The following SLC9A6 variants were observed in gnomAD, a reference collection of about 807,000 sequenced individuals.
SLC9A6 encodes solute carrier family 9 member A6.
Under a neutral mutation model 45.3 loss-of-function variants are expected in SLC9A6, and 6 were observed. That is an observed-to-expected ratio of 0.13 (90% CI 0.07 to 0.26). The LOEUF (loss-of-function observed/expected upper bound fraction) is 0.26. Ranked by LOEUF, SLC9A6 falls within the 10% of genes least tolerant of loss-of-function variation. The probability of loss-of-function intolerance (pLI) is 1.00; values close to 1 mark genes in which losing one functional copy is unlikely to be tolerated. For synonymous variants in SLC9A6, 191 were observed against 187.7 expected, an observed-to-expected ratio of 1.02 and a Z score of -0.14; for missense variants, 278 against 503.7, an observed-to-expected ratio of 0.55 and a Z score of 4.29.
intron 6 of SLC9A6, 82 bp downstream of exon 6, chrX:135,999,050 G>A: frequency 1.6e-6 from 1 of 639,533 alleles, no homozygotes; most frequent in African/African-American, 2.1e-5. Context: ...CTTTCTTTGA[G>A]GTGTAGAATT....
chrX:135,984,255 G>T (rs1468254895), upstream of SLC9A6, among the ~76,000 whole-genome samples: 1 of 111,465 alleles, frequency 9.0e-6, no homozygotes, highest in Non-Finnish European at 1.9e-5. Context: ...TGAACTGACA[G>T]TGGTACCACT....
At chrX:135,994,154 G>C (rs1319096650) in intron 2 of SLC9A6, among the ~76,000 whole-genome samples, 3 of 107,761 alleles carry the variant, frequency 2.8e-5, no homozygotes, top group African/African-American at 1.0e-4. Context: ...GCCCAGGCTG[G>C]AGTGAAGTGG....
At position 136,029,828 on chromosome X, in the gene SLC9A6, C is replaced by T. The variant is rs369153945; in HGVS notation, c.1551-304C>T. On this transcript the variant is annotated intron_variant, in intron 14 of 17. Coordinates refer to ENST00000630721, the MANE Select transcript of SLC9A6 (RefSeq NM_001379110.1). ...ATTTAGCAACTGGGGCAGTGCTGCTCTCCCTGATTCCGCTTCGAGTGGACC... is the reference window on the plus strand; with the variant it reads ...ATTTAGCAACTGGGGCAGTGCTGCTTTCCCTGATTCCGCTTCGAGTGGACC... 144 of 319,072 alleles carry T rather than the reference C, an allele frequency of 4.5e-4. 1 individual carries two copies. Among genetic ancestry groups the T allele is most frequent in the African/African-American group, 3.4e-3 (127 of 37,515 alleles). The allele number at this position is 319,072 out of a possible 1,213,427, so 26.3% of individuals were successfully genotyped here. A position where few individuals can be genotyped will look rare whatever the true frequency, so the allele number is the denominator to read the frequency against.
intron 7 of SLC9A6, among the ~76,000 whole-genome samples, chrX:136,007,457 A>G (rs939022950): frequency 2.7e-5 from 3 of 111,586 alleles, no homozygotes; most frequent in Admixed American, 1.9e-4. Context: ...CCACTCATAC[A>G]TTGTTAACAT....
In SLC9A6 at chrX:136,007,618, G is replaced by A. The variant is rs997361220; in HGVS notation, c.744-2824G>A. Among the ~76,000 whole-genome samples, 28 of 111,529 alleles carry A rather than the reference G, an allele frequency of 2.5e-4. 1 individual carries two copies. Among genetic ancestry groups the A allele is most frequent in the Non-Finnish European group, 1.5e-4 (8 of 53,124 alleles). On this transcript the variant is annotated intron_variant, in intron 7 of 17. Transcript: ENST00000630721. ...TAGGATTTTAATCCAGACTTTTTCC[G>A]TTAAGATAGTAGTATACATATAAAT...
intron 3 of SLC9A6, among the ~76,000 whole-genome samples, chrX:135,997,398 C>CT (rs1180028983): frequency 0.016 from 1,038 of 63,270 alleles, 78 homozygotes; most frequent in Non-Finnish European, 0.021. Flanking sequence ...CATGCTTTCT[C>CT]TTTTTTTTTT....
chrX:136,034,866 C>T (rs782316630), intron 16 of SLC9A6, among the ~76,000 whole-genome samples: 1 of 111,882 alleles, frequency 8.9e-6, no homozygotes, highest in African/African-American at 3.2e-5. Flanking sequence ...CTTTTGGCTC[C>T]ATTGTCAGGG....
intron 7 of SLC9A6, among the ~76,000 whole-genome samples, chrX:136,009,252 A>C (rs1603206360): frequency 8.9e-6 from 1 of 112,100 alleles, no homozygotes; most frequent in Non-Finnish European, 1.9e-5. Context: ...GTTGCTTTGC[A>C]CATTTAAACG....
intron 2 of SLC9A6, among the ~76,000 whole-genome samples, chrX:135,988,913 G>T (rs782305729): frequency 2.7e-5 from 3 of 110,913 alleles, no homozygotes; most frequent in Non-Finnish European, 5.7e-5. Flanking sequence ...GAGCCACCTC[G>T]CCTGGTCAGA....
intron 7 of SLC9A6, among the ~76,000 whole-genome samples, chrX:136,008,557 T>C (rs1258919234): frequency 8.9e-6 from 1 of 112,427 alleles, no homozygotes; most frequent in African/African-American, 3.2e-5. Flanking sequence ...ATGAATATTT[T>C]TATGTCATTG....
In SLC9A6 at chrX:135,985,748, C is replaced by T. The variant is rs782806095; in HGVS notation, c.90C>T (p.Thr30=). ...TGCTCATCTTCATCCTGCTGCTCAC[C>T]CTCACCATTCTCACAATCTGGCTCT... ...ANLLIFILLL[T]LTILTIWLFK... The change falls in exon 2 of 18, where the codon ACC becomes ACT. Residue 30 remains threonine, a synonymous_variant. Coordinates refer to ENST00000630721, the MANE Select transcript of SLC9A6 (RefSeq NM_001379110.1). 2 of 1,211,567 alleles carry T rather than the reference C, an allele frequency of 1.7e-6. No individual in the cohort carries two copies. The highest frequency in any genetic ancestry group is 2.2e-5 in the Admixed American group (1 of 46,097).
At chrX:136,037,312 A>G (rs1350233621) in intron 16 of SLC9A6, among the ~76,000 whole-genome samples, 2 of 112,517 alleles carry the variant, frequency 1.8e-5, no homozygotes, top group Non-Finnish European at 3.8e-5. Context: ...GAATCCATAA[A>G]TGAATTTGGA....
intron 7 of SLC9A6, among the ~76,000 whole-genome samples, chrX:136,007,066 C>T (rs1181210706): frequency 9.0e-6 from 1 of 110,992 alleles, no homozygotes; most frequent in Non-Finnish European, 1.9e-5. Flanking sequence ...GGGGTTTCAC[C>T]GTGTTGGCCA....
At position 136,013,060 on chromosome X, in the gene SLC9A6, T is replaced by G; in HGVS notation, c.991+6T>G. The G allele has an allele frequency of 1.7e-6, 2 of 1,154,267 alleles. No individual in the cohort carries two copies. Among genetic ancestry groups the G allele is most frequent in the South Asian group, 3.6e-5 (2 of 55,689 alleles). On this transcript the variant is annotated splice_donor_region_variant and intron_variant, in intron 9 of 17. Transcript: ENST00000630721. ...TGAAGCATGGGGCTTCACAGGTAGGTGACTTGCTCCCTTTGATTGTCAACC... is the reference window on the plus strand; with the variant it reads ...TGAAGCATGGGGCTTCACAGGTAGGGGACTTGCTCCCTTTGATTGTCAACC...
At chrX:136,042,584 T>C (rs1556622819) in intron 17 of SLC9A6, among the ~76,000 whole-genome samples, 1 of 112,338 alleles carries the variant, frequency 8.9e-6, no homozygotes, top group Non-Finnish European at 1.9e-5. Context: ...AAATGAAAAA[T>C]CAAAGTTGCC....
chrX:135,992,284 T>G (rs782634459), intron 2 of SLC9A6, among the ~76,000 whole-genome samples: 9 of 111,354 alleles, frequency 8.1e-5, no homozygotes, highest in Non-Finnish European at 1.1e-4. Context: ...CTTCAAAAAA[T>G]CCTTCTCGCC....
intron 17 of SLC9A6, among the ~76,000 whole-genome samples, chrX:136,043,165 T>C (rs2071543020): frequency 9.0e-6 from 1 of 111,658 alleles, no homozygotes; most frequent in South Asian, 3.8e-4. Context: ...ACTGGTTAGA[T>C]AGACTTACTG....
intron 7 of SLC9A6, among the ~76,000 whole-genome samples, chrX:136,007,087 G>A (rs782621814): frequency 1.4e-4 from 15 of 110,978 alleles, no homozygotes; most frequent in Non-Finnish European, 2.3e-4. Context: ...GGCTGGTCTC[G>A]AACTCCCAAC....
At chrX:136,022,875 T>C (rs939788268) in intron 12 of SLC9A6, among the ~76,000 whole-genome samples, 178 bp downstream of exon 12, 23 of 109,771 alleles carry the variant, frequency 2.1e-4, no homozygotes, top group Admixed American at 1.4e-3. Flanking sequence ...AGTGGCACGA[T>C]CTTGGCTCAC....
Sources: gnomAD v4.1 joint callset for allele counts (sites outside exome capture counted in the v4.1 genomes callset) on GRCh38, gnomAD v4.1.1 for gene constraint, MANE v1.5 for transcripts, NCBI Gene and HGNC (gene_info 2026-07-23, HGNC 2026-07-21) for gene names.